BDP1: variants seen among roughly 807,000 people sequenced by gnomAD.
The protein encoded by BDP1 is transcription factor TFIIIB component B'' homolog.
BDP1 carries 169 observed loss-of-function variants against 266.6 expected under a neutral mutation model. The ratio of observed to expected loss-of-function variants is 0.63; its 90% CI spans 0.56 to 0.72. BDP1 has a LOEUF of 0.72. BDP1 is among the 30% of genes least tolerant of loss of function. The pLI is 0.00. For missense variants in BDP1, 3,015 were observed against 3,053.8 expected (o/e 0.99, Z 0.30); for synonymous variants, 1,090 against 1,022.4 (o/e 1.07, Z -1.26).
intron 25 of BDP1, among the ~76,000 whole-genome samples, chr5:71,525,913 T>A (rs1225454906): frequency 6.7e-6 from 1 of 149,706 alleles, no homozygotes; most frequent in East Asian, 2.0e-4. Flanking sequence ...TCCTCACTTC[T>A]CAGACGGGGC....
Position 71,544,378 on chromosome 5 carries a change from A to T in BDP1, c.6434A>T (p.Lys2145Ile). 1.9e-6 allele frequency: 3 copies of T among 1,609,284 alleles called. No homozygotes were observed. The highest frequency in any genetic ancestry group is 2.5e-6 in the Non-Finnish European group (3 of 1,178,910). The change falls in exon 31 of 39, where the codon AAA becomes ATA. Residue 2145 changes from lysine (K) to isoleucine (I), a missense_variant. By Grantham distance (102) the Lys-to-Ile change is moderately radical (BLOSUM62 -3). Transcript: ENST00000358731. ...TAAGAAACAGAGAAAAATGCTTCCAAAGCAACAGAATTGGAAAATAAAAAC... is the reference window on the plus strand; with the variant it reads ...TAAGAAACAGAGAAAAATGCTTCCATAGCAACAGAATTGGAAAATAAAAAC... ...TQRETEKNASKATELENKNLG... is the reference protein window; with the variant it reads ...TQRETEKNASIATELENKNLG...
At position 71,501,804 on chromosome 5, in the gene BDP1, A is replaced by T. The variant is rs1359488559; in HGVS notation, c.2048+151A>T. ...TTTCAACCATAGGTGGTTTTGAAAC[A>T]TTCATAATACTCTCTCTGCTTGATA... is the stretch of plus-strand genomic sequence containing the variant. On this transcript the variant is annotated intron_variant, in intron 14 of 38. Transcript: ENST00000358731. The T allele has an allele frequency of 5.0e-6, 3 of 599,356 alleles. No individual in the cohort carries two copies. The East Asian group carries it at 8.4e-5, about 17-fold the overall frequency. 37.1% of individuals were successfully genotyped at this position (599,356 alleles called of 1,614,324 possible). A position where few individuals can be genotyped will look rare whatever the true frequency, so the allele number is the denominator to read the frequency against.
chr5:71,574,331 C>T, the BDP1 span, among the ~76,000 whole-genome samples: 46,132 of 151,946 alleles, frequency 0.3, 7,981 homozygotes, highest in East Asian at 0.5. Context: ...TAATCAGTGC[C>T]GCTCAAAATT....
At chr5:71,474,205 C>T (rs1228895870) in intron 7 of BDP1, among the ~76,000 whole-genome samples, 1 of 151,968 alleles carries the variant, frequency 6.6e-6, no homozygotes, top group Non-Finnish European at 1.5e-5. Context: ...TGGTCTCGAT[C>T]TCCTGACCTC....
At chr5:71,477,263 T>G (rs1035100069) in intron 7 of BDP1, among the ~76,000 whole-genome samples, 11 of 152,074 alleles carry the variant, frequency 7.2e-5, no homozygotes, top group African/African-American at 2.7e-4. Flanking sequence ...GCTCAAGCAA[T>G]CCTCCTGCCT....
Position 71,486,502 on chromosome 5 carries a change from A to G in BDP1, c.1088A>G (p.Asp363Gly). ...TAAACAGAGGAAAAGCGCCCTTTTGACTTCGATTTTTTTGCTCATTTGCTT... is the reference window on the plus strand; with the variant it reads ...TAAACAGAGGAAAAGCGCCCTTTTGGCTTCGATTTTTTTGCTCATTTGCTT... ...DKAFQEKRPF[D>G]FDFFAHLLQK... Residue 363 changes from aspartate to glycine, a missense_variant, in exon 9 of 39, where the codon GAC (aspartate) becomes GGC (glycine). By Grantham distance (94) the Asp-to-Gly change is moderately conservative (BLOSUM62 -1). This residue lies in a region of BDP1 where 2,383 missense variants were observed against 2,404.9 expected (regional missense o/e 0.99). Transcript: ENST00000358731. 1 of 1,537,236 alleles carries G rather than the reference A, an allele frequency of 6.5e-7. No homozygotes were observed. The highest frequency in any genetic ancestry group is 8.7e-7 in the Non-Finnish European group (1 of 1,155,600).
chr5:71,550,847 A>G (rs1742691710), intron 34 of BDP1, among the ~76,000 whole-genome samples: 2 of 152,184 alleles, frequency 1.3e-5, no homozygotes, highest in South Asian at 4.1e-4. Flanking sequence ...CTGGGACTAT[A>G]GGTGCGTGCC....
At chr5:71,567,836 T>C (rs1258323321), downstream of BDP1, 2 of 152,166 alleles carry the variant, frequency 1.3e-5, no homozygotes, top group Non-Finnish European at 1.5e-5. Flanking sequence ...GTTGTGTCCT[T>C]TTAAGATGAC....
intron 12 of BDP1, among the ~76,000 whole-genome samples, chr5:71,496,112 T>G (rs532237731): frequency 6.6e-6 from 1 of 151,942 alleles, no homozygotes; most frequent in Non-Finnish European, 1.5e-5. Flanking sequence ...TGTGGTGGCA[T>G]GCACCTGTAG....
At chr5:71,457,347 A>C (rs914485085) in intron 1 of BDP1, among the ~76,000 whole-genome samples, 1 of 129,572 alleles carries the variant, frequency 7.7e-6, no homozygotes, top group Non-Finnish European at 1.6e-5. Context: ...TTTTAGATGG[A>C]GTCTTGCTCT....
chr5:71,476,487 C>T (rs1319273452), intron 7 of BDP1, among the ~76,000 whole-genome samples: 1 of 152,100 alleles, frequency 6.6e-6, no homozygotes, highest in African/African-American at 2.4e-5. Flanking sequence ...AAAATCTCAG[C>T]CTTTTATTTG....
At chr5:71,515,450 T>G (rs1461139708) in intron 20 of BDP1, among the ~76,000 whole-genome samples, 1 of 152,132 alleles carries the variant, frequency 6.6e-6, no homozygotes, top group Non-Finnish European at 1.5e-5. Context: ...GCTCAAGAAA[T>G]GCTCAGTGGA....
intron 22 of BDP1, among the ~76,000 whole-genome samples, chr5:71,518,963 G>A (rs1269087301): frequency 1.3e-5 from 2 of 150,508 alleles, no homozygotes; most frequent in Non-Finnish European, 3.0e-5. Flanking sequence ...GGGATTGCAG[G>A]CACCCACCAC....
downstream of BDP1, among the ~76,000 whole-genome samples, chr5:71,572,395 A>G (rs1744294553): frequency 1.3e-5 from 2 of 152,150 alleles, no homozygotes; most frequent in South Asian, 4.1e-4. Flanking sequence ...GTCCAAACAC[A>G]GGGGCTTCGA....
In BDP1 at chr5:71,566,765, C is replaced by T. The variant is rs1464461381; in HGVS notation, c.*1880C>T. 6.6e-6 allele frequency: 1 copy of T among 152,144 alleles called. No homozygotes were observed. The highest frequency in any genetic ancestry group is 1.5e-5 in the Non-Finnish European group (1 of 68,020). The allele number at this position is 152,144 out of a possible 1,614,324, so 9.4% of individuals were successfully genotyped here. ...ATATCTGTATGGATGAGTTATTTGT[C>T]ACTAAAGTTATGAGTTGTGCCTAAA... On this transcript the variant is annotated 3_prime_UTR_variant, in exon 39 of 39. Coordinates refer to ENST00000358731, the MANE Select transcript of BDP1 (RefSeq NM_018429.3).
chr5:71,524,901 T>C (rs1765706740), intron 25 of BDP1, among the ~76,000 whole-genome samples: 1 of 151,300 alleles, frequency 6.6e-6, no homozygotes, highest in African/African-American at 2.4e-5. Flanking sequence ...CCTTAATCCA[T>C]TCAACCCTGA....
the BDP1 span, among the ~76,000 whole-genome samples, chr5:71,574,743 G>A: frequency 9.8e-3 from 1,496 of 152,284 alleles, 25 homozygotes; most frequent in African/African-American, 0.034. Flanking sequence ...AGAATATATT[G>A]CTCAATTATT....
At chr5:71,522,978 C>T (rs1287895830) in intron 24 of BDP1, 29 bp downstream of exon 24, 4 of 1,519,752 alleles carry the variant, frequency 2.6e-6, no homozygotes, top group East Asian at 2.3e-5. Context: ...AAATGTTTCA[C>T]AATAAGAAAT....
In BDP1 at chr5:71,541,495, A is replaced by G; in HGVS notation, c.6064A>G (p.Ser2022Gly). ...IIPHVHSKDK[S>G]HIPSSLDNVN... ...TCCTCATGTTCATTCAAAGGATAAA[A>G]GCCATATTCCTTCTAGCCTAGATAA... is the stretch of plus-strand genomic sequence containing the variant. The change falls in exon 29 of 39, where the codon AGC becomes GGC. Residue 2022 changes from serine to glycine, a missense_variant. By Grantham distance (56) the Ser-to-Gly change is moderately conservative. Transcript: ENST00000358731. The G allele has an allele frequency of 6.2e-7, 1 of 1,601,626 alleles. No homozygotes were observed. Among genetic ancestry groups the G allele is most frequent in the Non-Finnish European group, 8.5e-7 (1 of 1,171,998 alleles).
Sources: allele counts gnomAD v4.1 joint callset (sites outside exome capture counted in the v4.1 genomes callset), GRCh38; gene constraint gnomAD v4.1.1; regional missense constraint gnomAD v4.1.1; transcripts MANE v1.5; gene names NCBI Gene and HGNC (gene_info 2026-07-23, HGNC 2026-07-21).